Variants in STXBP5L observed in about 807,000 individuals in gnomAD.
STXBP5L encodes syntaxin-binding protein 5-like.
In STXBP5L, 65 loss-of-function variants were observed where a neutral mutation model predicts 144.5. The ratio of observed to expected loss-of-function variants is 0.45; its 90% CI spans 0.37 to 0.55. The LOEUF is 0.55. Among genes scored for constraint, STXBP5L ranks in the 20% least tolerant of loss-of-function variants. The pLI is 0.00. For missense variants in STXBP5L, 1,298 were observed against 1,405.5 expected (o/e 0.92, Z 1.22); for synonymous variants, 505 against 469.6 (o/e 1.08, Z -0.97).
chr3:120,994,796 A>G (rs1178368429), intron 3 of STXBP5L, among the ~76,000 whole-genome samples: 3 of 152,022 alleles, frequency 2.0e-5, no homozygotes, highest in Non-Finnish European at 4.4e-5. Flanking sequence ...GGCCTTATAC[A>G]TTGAATTAGG....
chr3:121,321,464 A>C (rs1258109212), intron 20 of STXBP5L, among the ~76,000 whole-genome samples: 1 of 152,230 alleles, frequency 6.6e-6, no homozygotes, highest in Non-Finnish European at 1.5e-5. Context: ...ATTATTTCCA[A>C]AATTCAATAC....
intron 3 of STXBP5L, among the ~76,000 whole-genome samples, chr3:120,970,629 T>A (rs1275062963): frequency 6.6e-6 from 1 of 152,282 alleles, no homozygotes; most frequent in East Asian, 1.9e-4. Flanking sequence ...GATTATGATA[T>A]GCCTTAGAGA....
chr3:121,017,019 A>G (rs1231006769), intron 3 of STXBP5L, among the ~76,000 whole-genome samples: 1 of 152,242 alleles, frequency 6.6e-6, no homozygotes, highest in Non-Finnish European at 1.5e-5. Flanking sequence ...TCTCATGAAC[A>G]TAAATGCAAA....
rs957965181 is a variant in STXBP5L, at chr3:120,965,599, T to C, written c.287+10562T>C. Among the ~76,000 whole-genome samples the C allele has an allele frequency of 6.6e-5, 10 of 152,344 alleles. No individual in the cohort carries two copies. In the East Asian group the frequency reaches 1.9e-3, roughly 29 times the overall value. On this transcript the variant is annotated intron_variant, in intron 3 of 26. Transcript: ENST00000471454. ...TCTTTTCTGTAAGAATGTTGGATATTGGCCCCCACTCTCTTCTGGCTTGTA... is the reference window on the plus strand; with the variant it reads ...TCTTTTCTGTAAGAATGTTGGATATCGGCCCCCACTCTCTTCTGGCTTGTA...
At chr3:121,395,171 A>G (rs939470437) in intron 22 of STXBP5L, among the ~76,000 whole-genome samples, 13 of 152,250 alleles carry the variant, frequency 8.5e-5, no homozygotes, top group Admixed American at 5.9e-4. Context: ...ACATTGAAAG[A>G]CTGTCAATTA....
intron 9 of STXBP5L, among the ~76,000 whole-genome samples, chr3:121,159,567 A>C (rs887134875): frequency 3.9e-5 from 6 of 152,038 alleles, no homozygotes; most frequent in Admixed American, 3.9e-4. Flanking sequence ...TTTGCTTTAT[A>C]ATCAGTGCAG....
At chr3:121,085,711 A>C (rs1176463745) in intron 5 of STXBP5L, among the ~76,000 whole-genome samples, 67 of 152,336 alleles carry the variant, frequency 4.4e-4, no homozygotes, top group Non-Finnish European at 2.9e-5. Context: ...ATGCTTGTGG[A>C]TAGGAAGGAT....
At chr3:121,360,441 A>C (rs1035482702) in intron 20 of STXBP5L, among the ~76,000 whole-genome samples, 1 of 151,436 alleles carries the variant, frequency 6.6e-6, no homozygotes, top group African/African-American at 2.4e-5. Flanking sequence ...GCATTTTGTT[A>C]TTTGTTTTCT....
intron 3 of STXBP5L, among the ~76,000 whole-genome samples, chr3:121,033,887 C>T (rs1322213247): frequency 1.3e-5 from 2 of 151,988 alleles, no homozygotes; most frequent in African/African-American, 2.4e-5. Flanking sequence ...TAATACATTA[C>T]TGCTTTAAGA....
At chr3:121,183,367 A>G (rs529921376) in intron 9 of STXBP5L, among the ~76,000 whole-genome samples, 1 of 152,322 alleles carries the variant, frequency 6.6e-6, no homozygotes, top group Non-Finnish European at 1.5e-5. Flanking sequence ...CTGGACACCA[A>G]TGATATGATT....
intron 3 of STXBP5L, among the ~76,000 whole-genome samples, chr3:120,991,004 T>G (rs1386505010): frequency 6.6e-6 from 1 of 152,082 alleles, no homozygotes; most frequent in Non-Finnish European, 1.5e-5. Context: ...CTAAAGAGCT[T>G]CTGCACAGCA....
Position 120,996,782 on chromosome 3 carries a change from A to G in STXBP5L, c.287+41745A>G, listed in dbSNP as rs530267653. 2.0e-5 allele frequency among the ~76,000 whole-genome samples: 3 copies of G among 152,140 alleles called. No individual in the cohort carries two copies. In the South Asian group the frequency reaches 6.2e-4, roughly 31 times the overall value. ...ATTCATCCATGTTGTTGCAAATGAG[A>G]GAAATTCCCACTTTTCTTGCTTTCC... On this transcript the variant is annotated intron_variant, in intron 3 of 26. Transcript: ENST00000471454.
intron 3 of STXBP5L, among the ~76,000 whole-genome samples, chr3:121,004,574 C>A (rs1245582266): frequency 1.3e-5 from 2 of 151,982 alleles, no homozygotes; most frequent in African/African-American, 4.8e-5. Flanking sequence ...CTGGCCAGAA[C>A]TTCCAACACT....
intron 19 of STXBP5L, among the ~76,000 whole-genome samples, chr3:121,306,700 C>G (rs1294430225): frequency 6.6e-6 from 1 of 152,004 alleles, no homozygotes; most frequent in Non-Finnish European, 1.5e-5. Context: ...TTGATAGCAC[C>G]TCTTAATTAG....
intron 3 of STXBP5L, among the ~76,000 whole-genome samples, chr3:120,961,508 G>A (rs779315502): frequency 1.3e-5 from 2 of 152,068 alleles, no homozygotes; most frequent in Non-Finnish European, 2.9e-5. Context: ...CCCTCTATAA[G>A]TGAGAACACG....
rs181356335 is a variant in STXBP5L, at chr3:120,951,873, C to T, written c.190-3067C>T. ...ATGCACACGTATGTTTATTGCGGCACTATTCACAATAGCAAAGACTTGGAA... is the reference window on the plus strand; with the variant it reads ...ATGCACACGTATGTTTATTGCGGCATTATTCACAATAGCAAAGACTTGGAA... On this transcript the variant is annotated intron_variant, in intron 2 of 26. Coordinates refer to ENST00000471454, the MANE Select transcript of STXBP5L (RefSeq NM_001308330.2). Among the ~76,000 whole-genome samples, 152 of 152,078 alleles carry T rather than the reference C, an allele frequency of 1.0e-3. 1 individual carries two copies. The East Asian group carries it at 0.028, about 28-fold the overall frequency.
At chr3:121,194,917 T>TC (rs2047858691) in intron 9 of STXBP5L, among the ~76,000 whole-genome samples, 1 of 135,594 alleles carries the variant, frequency 7.4e-6, no homozygotes, top group Non-Finnish European at 1.6e-5. Flanking sequence ...CTCTTTTTTT[T>TC]TTTTTTTTTT....
intron 3 of STXBP5L, among the ~76,000 whole-genome samples, chr3:121,036,057 G>A (rs1325379724): frequency 1.3e-5 from 2 of 152,078 alleles, no homozygotes; most frequent in South Asian, 2.1e-4. Flanking sequence ...TTGGGGGCTG[G>A]GCATGGTGGC....
chr3:121,376,529 G>A (rs1468662433), intron 20 of STXBP5L, among the ~76,000 whole-genome samples: 1 of 152,178 alleles, frequency 6.6e-6, no homozygotes, highest in East Asian at 1.9e-4. Context: ...CTTTGTCAAA[G>A]ATCAGATGGT....
Sources: gnomAD v4.1 joint callset for allele counts (sites outside exome capture counted in the v4.1 genomes callset) on GRCh38, gnomAD v4.1.1 for gene constraint, MANE v1.5 for transcripts, NCBI Gene and HGNC (gene_info 2026-07-23, HGNC 2026-07-21) for gene names.